Variants in ABHD3 observed in about 807,000 individuals in gnomAD.
ABHD3 encodes abhydrolase domain containing 3, phospholipase, also known as phospholipase ABHD3.
Under a neutral mutation model 48.8 loss-of-function variants are expected in ABHD3, and 46 were observed. The ratio of observed to expected loss-of-function variants is 0.94; its 90% CI spans 0.74 to 1.20. The LOEUF is 1.20. Among genes scored for constraint, ABHD3 ranks in the 50% most tolerant of loss-of-function variants. The pLI, the probability that ABHD3 is intolerant of heterozygous loss-of-function variation, is 0.00. For synonymous variants in ABHD3, 192 were observed against 183.7 expected, an observed-to-expected ratio of 1.04 and a Z score of -0.36; for missense variants, 490 against 497.8, an observed-to-expected ratio of 0.98 and a Z score of 0.15.
At chr18:21,683,439 T>G in intron 4 of ABHD3, 4 of 397,474 alleles carry the variant, frequency 1.0e-5, no homozygotes, top group South Asian at 7.6e-5. Context: ...AATGTAAATT[T>G]CATAAGTGGA....
At chr18:21,665,111 A>G (rs772326586) in intron 4 of ABHD3, among the ~76,000 whole-genome samples, 2 of 151,746 alleles carry the variant, frequency 1.3e-5, no homozygotes, top group African/African-American at 4.8e-5. Context: ...TGCCCGGCTA[A>G]TTTTTGCATT....
chr18:21,663,179 GTTCA>G (rs907467533), intron 5 of ABHD3, among the ~76,000 whole-genome samples: 7 of 151,934 alleles, frequency 4.6e-5, no homozygotes, highest in Non-Finnish European at 7.4e-5. Flanking sequence ...TGTAAATGCT[GTTCA>G]TTATCTTTTT....
intron 2 of ABHD3, 72 bp downstream of exon 2, chr18:21,703,512 T>G (rs1241163301): frequency 6.5e-7 from 1 of 1,541,960 alleles, no homozygotes; most frequent in Non-Finnish European, 8.9e-7. Context: ...AACCAAGAAC[T>G]GGGAATAAGC....
At chr18:21,659,074 C>T (rs1281234143) in intron 6 of ABHD3, 96 bp downstream of exon 6, 11 of 1,278,350 alleles carry the variant, frequency 8.6e-6, no homozygotes, top group Admixed American at 2.4e-5. Context: ...CTCCTGACCT[C>T]GTGATCCCCC....
chr18:21,662,509 G>A (rs186996272), intron 5 of ABHD3: 1 of 152,294 alleles, frequency 6.6e-6, no homozygotes, highest in Non-Finnish European at 1.5e-5. Flanking sequence ...GATGAAACGA[G>A]ATGATCCATG....
At position 21,703,724 on chromosome 18, in the gene ABHD3, A is replaced by AC. The variant is rs1568169059; in HGVS notation, c.185dup (p.Glu63Ter). 1 of 1,613,636 alleles carries AC rather than the reference A, an allele frequency of 6.2e-7. No homozygotes were observed. Among genetic ancestry groups the AC allele is most frequent in the East Asian group, 2.2e-5 (1 of 44,842 alleles). ...CTTGAAGGAAGCGGCTGAAACTCTC[A>AC]CCCCCGGTCACTAACTGGGGTTTCT... On this transcript the variant is annotated frameshift_variant, in exon 2 of 9. Coordinates refer to ENST00000289119, the MANE Select transcript of ABHD3 (RefSeq NM_138340.5). LOFTEE classifies it high-confidence loss of function.
rs1315081173 is a variant in ABHD3 at position 21,651,741 on chromosome 18, C to T, written c.1080G>A (p.Lys360=). Residue 360 remains lysine (K), a synonymous_variant, in exon 9 of 9, where the codon AAG becomes AAA. Transcript: ENST00000289119. ...GGACCAAAGCAACATTAGGATTTTG[C>T]TTAGCAGTTTCTATTGGAATAGCTT... is the stretch of plus-strand genomic sequence containing the variant. The part of the protein sequence containing the change: ...PSHAIPIETA[K]QNPNVALVLT... 6.4e-7 allele frequency: 1 copy of T among 1,572,376 alleles called. No homozygotes were observed. The highest frequency in any genetic ancestry group is 2.3e-5 in the East Asian group (1 of 43,352).
intron 4 of ABHD3, among the ~76,000 whole-genome samples, chr18:21,680,823 T>C (rs2146314099): frequency 6.6e-6 from 1 of 152,000 alleles, no homozygotes; most frequent in African/African-American, 2.4e-5. Flanking sequence ...TCCTCCTTCC[T>C]ATTTGTTGTT....
At chr18:21,661,274 G>A (rs1420281853) in intron 5 of ABHD3, among the ~76,000 whole-genome samples, 1 of 152,126 alleles carries the variant, frequency 6.6e-6, no homozygotes, top group Non-Finnish European at 1.5e-5. Context: ...ATGATAGTTT[G>A]AAATTAGTGT....
intron 1 of ABHD3, 52 bp downstream of exon 1, chr18:21,704,452 T>A (rs1281574159): frequency 8.6e-6 from 11 of 1,274,354 alleles, no homozygotes; most frequent in Non-Finnish European, 9.0e-6. Flanking sequence ...CCGCGCCTGC[T>A]ACCCTAGCTC....
chr18:21,651,669 T>G lies in ABHD3; in HGVS notation c.1152A>C (p.Pro384=). The change falls in exon 9 of 9, where the codon CCA becomes CCC. Residue 384 remains proline, a synonymous_variant. Transcript: ENST00000289119. Reference sequence around the variant, plus strand: ...CACGATCCATGTAAGTGGACTGTCTTGGCCAGATTCCCTCCAGAAAACCAA... The same window carrying G: ...CACGATCCATGTAAGTGGACTGTCTGGGCCAGATTCCCTCCAGAAAACCAA... ...GHIGFLEGIW[P]RQSTYMDRVF... is the part of the protein sequence containing the mutation. 1 of 1,613,658 alleles carries G rather than the reference T, an allele frequency of 6.2e-7. No individual in the cohort carries two copies. The highest frequency in any genetic ancestry group is 8.5e-7 in the Non-Finnish European group (1 of 1,179,884).
chr18:21,703,043 A>G (rs1169363941), intron 2 of ABHD3, among the ~76,000 whole-genome samples: 1 of 152,218 alleles, frequency 6.6e-6, no homozygotes. Context: ...AGGATAGATG[A>G]CTAAGGGAAA....
At chr18:21,680,835 CT>C (rs1185920932) in intron 4 of ABHD3, among the ~76,000 whole-genome samples, 3 of 147,744 alleles carry the variant, frequency 2.0e-5, no homozygotes, top group Admixed American at 6.8e-5. Flanking sequence ...TTTGTTGTTT[CT>C]TTTTTTCTTT....
intron 3 of ABHD3, among the ~76,000 whole-genome samples, chr18:21,685,823 G>A (rs1262873761): frequency 1.3e-5 from 2 of 152,138 alleles, no homozygotes; most frequent in Non-Finnish European, 2.9e-5. Flanking sequence ...TCAGCCTCCT[G>A]AGTAGCTGGG....
At chr18:21,682,137 C>G (rs958039611) in intron 4 of ABHD3, 4 of 152,162 alleles carry the variant, frequency 2.6e-5, no homozygotes, top group African/African-American at 9.7e-5. Context: ...ACCCTGTCTC[C>G]AAAAGGAAAT....
chr18:21,693,007 T>A (rs962042307), intron 3 of ABHD3, among the ~76,000 whole-genome samples: 49 of 152,206 alleles, frequency 3.2e-4, no homozygotes, highest in African/African-American at 1.1e-3. Context: ...CACTCTACCT[T>A]AGCAAGACAT....
chr18:21,703,724 A>T lies in ABHD3; in HGVS notation c.186T>A (p.Gly62=), dbSNP rs1229144292. 1 of 1,613,518 alleles carries T rather than the reference A, an allele frequency of 6.2e-7. No homozygotes were observed. The highest frequency in any genetic ancestry group is 8.5e-7 in the Non-Finnish European group (1 of 1,179,890). Residue 62 remains glycine (G), a synonymous_variant, in exon 2 of 9, where the codon GGT becomes GGA. Coordinates refer to ENST00000289119, the MANE Select transcript of ABHD3 (RefSeq NM_138340.5). The part of the protein sequence containing the change: ...IAKKPQLVTG[G]ESFSRFLQDH... ...CTTGAAGGAAGCGGCTGAAACTCTC[A>T]CCCCCGGTCACTAACTGGGGTTTCT...
intron 2 of ABHD3, among the ~76,000 whole-genome samples, chr18:21,703,272 G>T (rs1402568182): frequency 2.5e-5 from 3 of 118,118 alleles, no homozygotes; most frequent in African/African-American, 1.0e-4. Flanking sequence ...ATCATCAAAA[G>T]ATCTGGGTCT....
chr18:21,657,660 T>C (rs1472521321), intron 6 of ABHD3, among the ~76,000 whole-genome samples: 1 of 152,104 alleles, frequency 6.6e-6, no homozygotes, highest in Non-Finnish European at 1.5e-5. Flanking sequence ...TGGTAAAATC[T>C]AATCCAGTGT....
Sources: allele counts gnomAD v4.1 joint callset (sites outside exome capture counted in the v4.1 genomes callset), GRCh38; gene constraint gnomAD v4.1.1; transcripts MANE v1.5; gene names NCBI Gene and HGNC (gene_info 2026-07-23, HGNC 2026-07-21).